MACROD2: variants seen among roughly 807,000 people sequenced by gnomAD.
The protein encoded by MACROD2 is ADP-ribose glycohydrolase MACROD2.
In MACROD2, 36 loss-of-function variants were observed where a neutral mutation model predicts 70.4. The observed-to-expected ratio is 0.51, with a 90% CI of 0.39 to 0.68. The LOEUF is 0.68. Among genes scored for constraint, MACROD2 ranks in the 30% least tolerant of loss-of-function variants. The pLI is 0.00. For missense variants in MACROD2, 496 were observed against 538.4 expected (o/e 0.92, Z 0.78); for synonymous variants, 172 against 178.8 (o/e 0.96, Z 0.30).
At chr20:15,899,577 T>A (rs2065033678) in intron 10 of MACROD2, among the ~76,000 whole-genome samples, 1 of 152,234 alleles carries the variant, frequency 6.6e-6, no homozygotes, top group Admixed American at 6.5e-5. Context: ...CTAAGTTCAG[T>A]AGCATGTTTC....
intron 3 of MACROD2, among the ~76,000 whole-genome samples, chr20:14,328,320 C>T (rs1173322650): frequency 2.6e-5 from 4 of 152,052 alleles, no homozygotes; most frequent in Non-Finnish European, 5.9e-5. Context: ...TTCTTCTGTT[C>T]ACATTTTGTT....
chr20:15,213,635 G>T (rs1039908647), intron 5 of MACROD2, among the ~76,000 whole-genome samples: 1 of 152,160 alleles, frequency 6.6e-6, no homozygotes, highest in African/African-American at 2.4e-5. Flanking sequence ...TAAGTACAGT[G>T]TGGGTGCATC....
intron 7 of MACROD2, among the ~76,000 whole-genome samples, chr20:15,436,199 G>T (rs866561036): frequency 1.3e-5 from 2 of 151,720 alleles, no homozygotes; most frequent in Non-Finnish European, 1.5e-5. Flanking sequence ...TTTTCATGCT[G>T]CCGATAAAGA....
chr20:15,096,085 G>A (rs2075829460), intron 5 of MACROD2, among the ~76,000 whole-genome samples: 1 of 152,118 alleles, frequency 6.6e-6, no homozygotes, highest in Non-Finnish European at 1.5e-5. Context: ...ATGCAGGTGT[G>A]CAGTAGTAGA....
intron 5 of MACROD2, among the ~76,000 whole-genome samples, chr20:14,965,906 T>C (rs995923581): frequency 4.6e-5 from 7 of 152,144 alleles, no homozygotes; most frequent in African/African-American, 1.7e-4. Context: ...TTTAAACAAG[T>C]ATAAATAACC....
chr20:15,708,147 T>G, intron 8 of MACROD2, among the ~76,000 whole-genome samples: 1 of 152,156 alleles, frequency 6.6e-6, no homozygotes, highest in Non-Finnish European at 1.5e-5. Context: ...TTAATTAATA[T>G]ATTATTTATT....
rs537122611 is a variant in MACROD2, at chr20:14,645,893, A to G, written c.302-38950A>G. Among the ~76,000 whole-genome samples, 87 of 152,070 alleles carry G rather than the reference A, an allele frequency of 5.7e-4. 2 individuals are homozygous for G. Among genetic ancestry groups the G allele is most frequent in the African/African-American group, 2.0e-3 (83 of 41,526 alleles). On this transcript the variant is annotated intron_variant, in intron 4 of 17. Coordinates refer to ENST00000684519, the MANE Select transcript of MACROD2 (RefSeq NM_001351661.2). ...AAAAAACTCCATTTACAGAAACCAA[A>G]TGTGCAGAAATGGATTGTCATAATT... is the stretch of plus-strand genomic sequence containing the variant.
intron 15 of MACROD2, among the ~76,000 whole-genome samples, chr20:16,010,938 G>A (rs751640292): frequency 7.2e-5 from 11 of 152,186 alleles, no homozygotes; most frequent in Non-Finnish European, 1.5e-5. Context: ...CCAAGCCAGT[G>A]CTTTTCACAT....
At chr20:15,121,529 A>AAAAG (rs1024885900) in intron 5 of MACROD2, among the ~76,000 whole-genome samples, 2 of 151,072 alleles carry the variant, frequency 1.3e-5, no homozygotes, top group East Asian at 3.9e-4. Flanking sequence ...AAAAAAAAAA[A>AAAAG]AGAAAAAAGA....
At chr20:14,170,434 G>A (rs1031579525) in intron 3 of MACROD2, among the ~76,000 whole-genome samples, 3 of 152,134 alleles carry the variant, frequency 2.0e-5, no homozygotes, top group Non-Finnish European at 4.4e-5. Flanking sequence ...GTTCTCAGGG[G>A]AAATGCTTTC....
intron 3 of MACROD2, among the ~76,000 whole-genome samples, chr20:14,374,171 A>T (rs555842679): frequency 6.6e-6 from 1 of 152,296 alleles, no homozygotes; most frequent in Non-Finnish European, 1.5e-5. Flanking sequence ...TTTAGAGCTT[A>T]ATGTATTGAT....
intron 10 of MACROD2, among the ~76,000 whole-genome samples, chr20:15,909,995 C>T (rs909647134): frequency 8.5e-5 from 13 of 152,128 alleles, no homozygotes; most frequent in African/African-American, 3.1e-4. Flanking sequence ...AGAGTAGGTA[C>T]AGTCAAGGAA....
chr20:15,431,922 T>A (rs952796721), intron 7 of MACROD2, among the ~76,000 whole-genome samples: 6 of 122,212 alleles, frequency 4.9e-5, no homozygotes, highest in Non-Finnish European at 9.8e-5. Context: ...AAACTGCAAA[T>A]TTTTTTTTCT....
At chr20:14,368,128 A>G (rs2083289171) in intron 3 of MACROD2, among the ~76,000 whole-genome samples, 1 of 152,212 alleles carries the variant, frequency 6.6e-6, no homozygotes, top group Admixed American at 6.5e-5. Flanking sequence ...TTTTTTAAGG[A>G]CAGTTGATTT....
chr20:16,049,686 G>T, intron 17 of MACROD2, 144 bp from the exon 18 acceptor site: 4 of 728,092 alleles, frequency 5.5e-6, no homozygotes, highest in East Asian at 2.9e-5. Flanking sequence ...GACATCTAAA[G>T]CTCTTTGATA....
At chr20:14,938,962 T>TTTTTTTTTTTC in intron 5 of MACROD2, among the ~76,000 whole-genome samples, 1 of 147,036 alleles carries the variant, frequency 6.8e-6, no homozygotes, top group Admixed American at 6.7e-5. Context: ...TTTTTTTTTT[T>TTTTTTTTTTTC]ACTATTGAGT....
chr20:15,426,792 T>A (rs927183306), intron 6 of MACROD2, among the ~76,000 whole-genome samples: 2 of 152,190 alleles, frequency 1.3e-5, no homozygotes, highest in Non-Finnish European at 2.9e-5. Flanking sequence ...GTGCAACACC[T>A]GGCATGGGTT....
chr20:15,519,021 A>G (rs1476533095), intron 8 of MACROD2, among the ~76,000 whole-genome samples: 2 of 152,140 alleles, frequency 1.3e-5, no homozygotes, highest in African/African-American at 4.8e-5. Flanking sequence ...AATTCTCACC[A>G]GGACACTATG....
At chr20:14,908,208 G>A (rs917275158) in intron 5 of MACROD2, among the ~76,000 whole-genome samples, 1 of 151,916 alleles carries the variant, frequency 6.6e-6, no homozygotes, top group African/African-American at 2.4e-5. Context: ...GCTGGGCGTG[G>A]TGGGTGCCTC....
Sources: gnomAD v4.1 joint callset for allele counts (sites outside exome capture counted in the v4.1 genomes callset) on GRCh38, gnomAD v4.1.1 for gene constraint, MANE v1.5 for transcripts, NCBI Gene and HGNC (gene_info 2026-07-23, HGNC 2026-07-21) for gene names.